Variants in AEBP2 observed in about 807,000 individuals in gnomAD.
AEBP2 encodes AE binding protein 2.
Under a neutral mutation model 50.8 loss-of-function variants are expected in AEBP2, and 10 were observed. The ratio of observed to expected loss-of-function variants is 0.20; its 90% CI spans 0.12 to 0.33. AEBP2 has a LOEUF of 0.33. Ranked by LOEUF, AEBP2 falls within the 10% of genes least tolerant of loss-of-function variation. The probability of loss-of-function intolerance (pLI) is 1.00; values close to 1 mark genes in which losing one functional copy is unlikely to be tolerated. For missense variants in AEBP2, 570 were observed against 688.0 expected, an observed-to-expected ratio of 0.83 and a Z score of 1.92; for synonymous variants, 296 against 261.3, an observed-to-expected ratio of 1.13 and a Z score of -1.28.
intron 1 of AEBP2, among the ~76,000 whole-genome samples, chr12:19,426,009 T>G (rs1446246157): frequency 6.6e-6 from 1 of 152,090 alleles, no homozygotes; most frequent in Non-Finnish European, 1.5e-5. Context: ...CCATCATGGC[T>G]CACTGCAAGC....
At position 19,473,234 on chromosome 12, in the gene AEBP2, G is replaced by A. The variant is rs758671245; in HGVS notation, c.880-14G>A. ...AAGTCATGAAAATTAATATGGTTCTGTTTTTCTTAACAGGTATTTGTTTGC... is the reference window on the plus strand; with the variant it reads ...AAGTCATGAAAATTAATATGGTTCTATTTTTCTTAACAGGTATTTGTTTGC... On this transcript the variant is annotated splice_polypyrimidine_tract_variant and intron_variant, in intron 2 of 7. Transcript: ENST00000266508. 1 of 1,324,466 alleles carries A rather than the reference G, an allele frequency of 7.6e-7. No individual in the cohort carries two copies. The highest frequency in any genetic ancestry group is 1.0e-6 in the Non-Finnish European group (1 of 990,002). 82.0% of individuals were successfully genotyped at this position (1,324,466 alleles called of 1,614,324 possible). A position where few individuals can be genotyped will look rare whatever the true frequency, so the allele number is the denominator to read the frequency against.
chr12:19,498,321 T>G (rs1249827678), intron 4 of AEBP2, among the ~76,000 whole-genome samples: 1 of 152,202 alleles, frequency 6.6e-6, no homozygotes, highest in Admixed American at 6.5e-5. Flanking sequence ...TCAAGTACTT[T>G]TTTCTTTCTG....
chr12:19,452,750 T>C (rs1948185465), intron 1 of AEBP2, among the ~76,000 whole-genome samples: 3 of 152,178 alleles, frequency 2.0e-5, no homozygotes, highest in Admixed American at 6.6e-5. Flanking sequence ...GTTTTGAATT[T>C]TACCCTTTAA....
intron 3 of AEBP2, among the ~76,000 whole-genome samples, chr12:19,486,497 T>TA (rs1376387739): frequency 3.9e-5 from 6 of 152,080 alleles, no homozygotes; most frequent in African/African-American, 1.4e-4. Context: ...GCTCAGGTGT[T>TA]ACTCATACTA....
At chr12:19,425,646 C>A (rs2095748155) in intron 1 of AEBP2, among the ~76,000 whole-genome samples, 1 of 151,520 alleles carries the variant, frequency 6.6e-6, no homozygotes, top group South Asian at 2.1e-4. Context: ...GATGGCACAC[C>A]CCTGTAGTCC....
chr12:19,444,276 CTT>C (rs1948019155), intron 1 of AEBP2, among the ~76,000 whole-genome samples: 1 of 152,158 alleles, frequency 6.6e-6, no homozygotes, highest in Non-Finnish European at 1.5e-5. Flanking sequence ...AATGTCAGCA[CTT>C]GTTACTGAAC....
intron 2 of AEBP2, among the ~76,000 whole-genome samples, chr12:19,463,601 CT>C (rs887951083): frequency 2.2e-4 from 29 of 131,472 alleles, no homozygotes; most frequent in African/African-American, 5.0e-4. Context: ...TAGTATTGAT[CT>C]TTTTTTTTTA....
intron 5 of AEBP2, among the ~76,000 whole-genome samples, chr12:19,508,752 G>A (rs989093615): frequency 2.6e-5 from 4 of 152,064 alleles, no homozygotes; most frequent in Non-Finnish European, 5.9e-5. Context: ...ACCAACTACA[G>A]CAAAAAACTC....
intron 1 of AEBP2, among the ~76,000 whole-genome samples, chr12:19,452,957 C>A (rs1011577157): frequency 7.6e-6 from 1 of 131,702 alleles, no homozygotes; most frequent in Non-Finnish European, 1.6e-5. Context: ...TATAGACTTA[C>A]GTTCTTTTTT....
At chr12:19,423,697 C>T (rs748075575) in intron 1 of AEBP2, among the ~76,000 whole-genome samples, 2 of 151,932 alleles carry the variant, frequency 1.3e-5, no homozygotes, top group African/African-American at 2.4e-5. Context: ...TGAGAGGGGC[C>T]GGGCACCATG....
intron 4 of AEBP2, among the ~76,000 whole-genome samples, chr12:19,498,340 TTGTCAC>T (rs1197685067): frequency 1.3e-5 from 2 of 152,212 alleles, no homozygotes; most frequent in Admixed American, 1.3e-4. Flanking sequence ...TGATTTCTCA[TTGTCAC>T]TGCCTTCTTA....
chr12:19,440,735 T>G lies in AEBP2; in HGVS notation c.671+365T>G, dbSNP rs146502765. Reference sequence around the variant, plus strand: ...CACACGTCGGTACTCAAGGTTAGCTTCTTCCAACCGTGTTCGGGAACACTT... The same window carrying G: ...CACACGTCGGTACTCAAGGTTAGCTGCTTCCAACCGTGTTCGGGAACACTT... On this transcript the variant is annotated intron_variant, in intron 1 of 7. Transcript: ENST00000266508. 34 of 1,533,524 alleles carry G rather than the reference T, an allele frequency of 2.2e-5. No individual in the cohort carries two copies. The African/African-American group carries it at 3.1e-4, about 14-fold the overall frequency. The allele number at this position is 1,533,524 out of a possible 1,614,324, so 95.0% of individuals were successfully genotyped here.
At chr12:19,471,295 A>G (rs1477141597) in intron 2 of AEBP2, among the ~76,000 whole-genome samples, 2 of 151,904 alleles carry the variant, frequency 1.3e-5, no homozygotes, top group Non-Finnish European at 2.9e-5. Flanking sequence ...ATTTTTGTAT[A>G]TTTTGTATAG....
chr12:19,407,605 A>G (rs2095737007), intron 1 of AEBP2, among the ~76,000 whole-genome samples: 1 of 151,706 alleles, frequency 6.6e-6, no homozygotes, highest in Non-Finnish European at 1.5e-5. Context: ...CCCAGCCTCC[A>G]TCTCTTTTTT....
chr12:19,474,627 T>C (rs1192405858), intron 3 of AEBP2, among the ~76,000 whole-genome samples: 2 of 152,216 alleles, frequency 1.3e-5, no homozygotes, highest in Non-Finnish European at 2.9e-5. Flanking sequence ...AATTAAATAC[T>C]GTCTGTGCCT....
chr12:19,456,882 C>T (rs1948278804), intron 1 of AEBP2: 1 of 1,484,730 alleles, frequency 6.7e-7, no homozygotes. Context: ...TGTAGACATC[C>T]TGGAGAGGCA....
At chr12:19,490,935 T>G (rs886481463) in intron 3 of AEBP2, among the ~76,000 whole-genome samples, 1 of 152,228 alleles carries the variant, frequency 6.6e-6, no homozygotes, top group African/African-American at 2.4e-5. Context: ...TAAATTCCAC[T>G]GAATTGTACA....
chr12:19,511,293 C>G (rs1949228895), intron 5 of AEBP2, among the ~76,000 whole-genome samples: 1 of 152,170 alleles, frequency 6.6e-6, no homozygotes. Context: ...AACATTAATG[C>G]TGCTGGTGCA....
intron 1 of AEBP2, among the ~76,000 whole-genome samples, chr12:19,409,643 A>G (rs1233265225): frequency 3.3e-5 from 5 of 152,174 alleles, no homozygotes; most frequent in Non-Finnish European, 7.4e-5. Context: ...ACATTTTTAA[A>G]CTGCAGTCTT....
Sources: allele counts gnomAD v4.1 joint callset (sites outside exome capture counted in the v4.1 genomes callset), GRCh38; gene constraint gnomAD v4.1.1; transcripts MANE v1.5; gene names NCBI Gene and HGNC (gene_info 2026-07-23, HGNC 2026-07-21).